Variants in BCKDHB observed in about 807,000 individuals in gnomAD.
BCKDHB encodes 2-oxoisovalerate dehydrogenase subunit beta, mitochondrial.
In BCKDHB, 41 loss-of-function variants were observed where a neutral mutation model predicts 48.5. The observed-to-expected ratio is 0.85, with a 90% CI of 0.66 to 1.10. The LOEUF is 1.10. Among genes scored for constraint, BCKDHB ranks in the 50% least tolerant of loss-of-function variants. The pLI is 0.00. For missense variants in BCKDHB, 496 were observed against 494.2 expected (o/e 1.00, Z -0.03); for synonymous variants, 201 against 174.8 (o/e 1.15, Z -1.18).
chr6:80,153,764 C>T lies in BCKDHB; in HGVS notation c.344-13914C>T, dbSNP rs142109458. ...TCCTCAGATCAGCTCTGATTGATAG[C>T]CAGGTTAGTTATTTTTATCCTGATT... is the stretch of plus-strand genomic sequence containing the variant. On this transcript the variant is annotated intron_variant, in intron 3 of 9. Coordinates refer to ENST00000320393, the MANE Select transcript of BCKDHB (RefSeq NM_183050.4). 1.7e-3 allele frequency among the ~76,000 whole-genome samples: 261 copies of T among 152,038 alleles called. 1 individual carries two copies. The highest frequency in any genetic ancestry group is 6.0e-3 in the African/African-American group (250 of 41,444).
At chr6:80,227,110 C>A (rs1304123636) in intron 8 of BCKDHB, among the ~76,000 whole-genome samples, 1 of 152,156 alleles carries the variant, frequency 6.6e-6, no homozygotes, top group East Asian at 1.9e-4. Context: ...AGGATTACTT[C>A]TTGGATTACT....
chr6:80,228,300 TAA>T (rs1288006894), intron 8 of BCKDHB, among the ~76,000 whole-genome samples: 9 of 152,360 alleles, frequency 5.9e-5, no homozygotes, highest in African/African-American at 1.2e-4. Flanking sequence ...TCCAGTGAAC[TAA>T]AAGTCTATTT....
At chr6:80,316,916 G>C (rs193024041) in intron 9 of BCKDHB, among the ~76,000 whole-genome samples, 3 of 148,284 alleles carry the variant, frequency 2.0e-5, no homozygotes, top group Admixed American at 1.3e-4. Context: ...CTCAAATCAG[G>C]CTTCCCAGAA....
At chr6:80,262,696 C>G (rs186617169) in intron 8 of BCKDHB, among the ~76,000 whole-genome samples, 2 of 152,154 alleles carry the variant, frequency 1.3e-5, no homozygotes, top group African/African-American at 4.8e-5. Flanking sequence ...AGAACATTTT[C>G]TTTGTTTAGC....
intron 8 of BCKDHB, among the ~76,000 whole-genome samples, chr6:80,207,149 C>T (rs1774705056): frequency 6.6e-6 from 1 of 151,918 alleles, no homozygotes; most frequent in Middle Eastern, 3.2e-3. Context: ...AGAGCATACA[C>T]TATAGCTTAG....
chr6:80,143,160 A>G (rs1235129781), intron 3 of BCKDHB, among the ~76,000 whole-genome samples: 1 of 152,114 alleles, frequency 6.6e-6, no homozygotes, highest in Admixed American at 6.6e-5. Context: ...GTTAAATTTC[A>G]ACTGCTCCTC....
At chr6:80,171,104 G>A (rs925108754) in intron 5 of BCKDHB, among the ~76,000 whole-genome samples, 178 bp from the exon 6 acceptor site, 20 of 151,930 alleles carry the variant, frequency 1.3e-4, no homozygotes, top group Admixed American at 2.0e-4. Context: ...TGAATAAGAG[G>A]CATTTTTATT....
chr6:80,448,034 A>T, the BCKDHB span, among the ~76,000 whole-genome samples: 1 of 152,218 alleles, frequency 6.6e-6, no homozygotes, highest in Admixed American at 6.5e-5. Flanking sequence ...AGATCATATC[A>T]TGGTAGGTAC....
At chr6:80,388,299 A>G in the BCKDHB span, among the ~76,000 whole-genome samples, 1 of 152,192 alleles carries the variant, frequency 6.6e-6, no homozygotes, top group South Asian at 2.1e-4. Flanking sequence ...AGTGGCAGAT[A>G]GGGATGCTGT....
the BCKDHB span, among the ~76,000 whole-genome samples, chr6:80,459,176 A>T: frequency 6.6e-6 from 1 of 152,074 alleles, no homozygotes; most frequent in Admixed American, 6.6e-5. Context: ...AGATATTAGC[A>T]CTCCTGTGTT....
intron 9 of BCKDHB, among the ~76,000 whole-genome samples, chr6:80,313,867 T>A (rs1243299234): frequency 6.6e-6 from 1 of 152,156 alleles, no homozygotes; most frequent in African/African-American, 2.4e-5. Flanking sequence ...GTTAGCTTGT[T>A]AACCTGAGAT....
chr6:80,178,830 A>T (rs574492504), intron 6 of BCKDHB, among the ~76,000 whole-genome samples: 1 of 152,202 alleles, frequency 6.6e-6, no homozygotes, highest in South Asian at 2.1e-4. Context: ...ATAATGAGCG[A>T]TGGATTTAAG....
At chr6:80,110,573 T>G (rs1033407024) in intron 1 of BCKDHB, among the ~76,000 whole-genome samples, 4 of 152,220 alleles carry the variant, frequency 2.6e-5, no homozygotes, top group African/African-American at 9.6e-5. Context: ...TGTTTTTCTC[T>G]GGCATTAGGA....
At chr6:80,403,078 G>A in the BCKDHB span, among the ~76,000 whole-genome samples, 1 of 151,404 alleles carries the variant, frequency 6.6e-6, no homozygotes, top group African/African-American at 2.4e-5. Context: ...TACTGCTTTT[G>A]CTATTCTGTA....
the BCKDHB span, among the ~76,000 whole-genome samples, chr6:80,359,861 A>T: frequency 2.0e-5 from 3 of 152,188 alleles, no homozygotes; most frequent in African/African-American, 7.2e-5. Context: ...AAGTGCTGGG[A>T]TTACAGGTGT....
chr6:80,206,159 T>C (rs1435442388), intron 8 of BCKDHB, among the ~76,000 whole-genome samples: 7 of 152,060 alleles, frequency 4.6e-5, no homozygotes, highest in Middle Eastern at 3.2e-3. Context: ...ATACTCTCAA[T>C]TGAAAGCCAT....
the BCKDHB span, among the ~76,000 whole-genome samples, chr6:80,449,717 G>C: frequency 2.6e-5 from 4 of 152,122 alleles, no homozygotes; most frequent in South Asian, 8.3e-4. Flanking sequence ...TGGTGATGTG[G>C]ACAGCCTGAT....
chr6:80,450,703 A>G, the BCKDHB span, among the ~76,000 whole-genome samples: 27 of 152,094 alleles, frequency 1.8e-4, no homozygotes, highest in Admixed American at 1.8e-3. Context: ...TTCCTCTTCC[A>G]TGATGGTCCC....
chr6:80,171,181 A>C, intron 5 of BCKDHB, 101 bp from the exon 6 acceptor site: 1 of 677,266 alleles, frequency 1.5e-6, no homozygotes, highest in South Asian at 1.8e-5. Context: ...ATCTATTTTT[A>C]ATTAGTAACA....
Sources: allele counts gnomAD v4.1 joint callset (sites outside exome capture counted in the v4.1 genomes callset), GRCh38; gene constraint gnomAD v4.1.1; transcripts MANE v1.5; gene names NCBI Gene and HGNC (gene_info 2026-07-23, HGNC 2026-07-21).